NLRP9: variants seen among roughly 807,000 people sequenced by gnomAD.
NLRP9 encodes NLR family pyrin domain containing 9, also known as NACHT, LRR and PYD domains-containing protein 9.
Under a neutral mutation model 83.1 loss-of-function variants are expected in NLRP9, and 88 were observed. That is an observed-to-expected ratio of 1.06 (90% CI 0.89 to 1.26). The LOEUF (loss-of-function observed/expected upper bound fraction) is 1.26. NLRP9 is among the 50% of genes most tolerant of loss of function. The probability of loss-of-function intolerance (pLI) is 0.00; values close to 1 mark genes in which losing one functional copy is unlikely to be tolerated. For missense variants in NLRP9, 1,308 were observed against 1,179.3 expected, an observed-to-expected ratio of 1.11 and a Z score of -1.60; for synonymous variants, 521 against 447.6, an observed-to-expected ratio of 1.16 and a Z score of -2.07.
In NLRP9 at chr19:55,733,209, C is replaced by A; in HGVS notation, c.622G>T (p.Glu208Ter). ...ATGTCTTCGATCTTCTCTGAAGACT[C>A]CGGCCAGTCCCTAGAGAGGAGCTCC... ...LLELLSRDWP[E>*]SSEKIEDIFS... Residue 208 changes from glutamate (E) to a stop codon, truncating the protein, a stop_gained, in exon 2 of 9, where the codon GAG (glutamate) becomes TAG (stop). Transcript: ENST00000332836. LOFTEE classifies it high-confidence loss of function. The A allele has an allele frequency of 6.2e-7, 1 of 1,613,312 alleles. No homozygotes were observed. Among genetic ancestry groups the A allele is most frequent in the Non-Finnish European group, 8.5e-7 (1 of 1,179,444 alleles).
At chr19:55,734,288 T>G (rs1000739271) in intron 1 of NLRP9, among the ~76,000 whole-genome samples, 3 of 137,532 alleles carry the variant, frequency 2.2e-5, no homozygotes, top group African/African-American at 8.3e-5. Flanking sequence ...TGCTTGAACC[T>G]AGGAAGCGGA....
chr19:55,710,779 C>G (rs928490247), intron 8 of NLRP9, among the ~76,000 whole-genome samples: 1 of 152,162 alleles, frequency 6.6e-6, no homozygotes, highest in Non-Finnish European at 1.5e-5. Context: ...AATTAAACCT[C>G]TTTCCTTTAT....
intron 6 of NLRP9, 47 bp from the exon 7 acceptor site, chr19:55,712,637 C>A: frequency 6.7e-7 from 1 of 1,495,308 alleles, no homozygotes; most frequent in South Asian, 1.1e-5. Context: ...TGAGGTCAAT[C>A]ATAACAGCCC....
Position 55,738,253 on chromosome 19 carries a change from G to A in NLRP9, c.122C>T (p.Pro41Leu), listed in dbSNP as rs752475452. ...CTTCTTCAGCTCAGCCCAGGGGATT[G>A]GCTTGAGTTCAAATTTCTCCAAAGG... ...KQPLEKFELK[P>L]IPWAELKKAS... Residue 41 changes from proline to leucine, a missense_variant, in exon 1 of 9, where the codon CCA (proline) becomes CTA (leucine). By Grantham distance (98) the Pro-to-Leu change is moderately conservative. Coordinates refer to ENST00000332836, the MANE Select transcript of NLRP9 (RefSeq NM_176820.4). 11 of 1,613,998 alleles carry A rather than the reference G, an allele frequency of 6.8e-6. No homozygotes were observed. The highest frequency in any genetic ancestry group is 2.7e-5 in the African/African-American group (2 of 74,878).
At chr19:55,714,936 G>A (rs774968248) in intron 6 of NLRP9, 119 bp downstream of exon 6, 132 of 964,402 alleles carry the variant, frequency 1.4e-4, no homozygotes, top group Non-Finnish European at 1.9e-4. Context: ...CCCAACATAC[G>A]AATTTTGGGA....
intron 8 of NLRP9, chr19:55,711,590 G>A (rs1305144199): frequency 6.7e-6 from 6 of 901,484 alleles, no homozygotes; most frequent in Admixed American, 6.3e-5. Flanking sequence ...AAGTGCTACT[G>A]GCAACTCATG....
intron 1 of NLRP9, among the ~76,000 whole-genome samples, chr19:55,734,191 G>A (rs1988707766): frequency 1.3e-5 from 2 of 151,404 alleles, no homozygotes; most frequent in African/African-American, 4.9e-5. Flanking sequence ...CCAAAGTGCT[G>A]GGATTACAGG....
rs556533845 is a variant in NLRP9, at chr19:55,716,146, G to T, written c.2330+582C>A. 2.6e-5 allele frequency among the ~76,000 whole-genome samples: 4 copies of T among 151,922 alleles called. No individual in the cohort carries two copies. In the South Asian group the frequency reaches 8.3e-4, roughly 32 times the overall value. ...TAAATGTTCTCACATCCTCCAAAAT[G>T]ATAACTCTGTTAATTAGCTTGATTA... On this transcript the variant is annotated intron_variant, in intron 5 of 8. Transcript: ENST00000332836.
At chr19:55,724,870 C>A (rs1988352059) in intron 3 of NLRP9, among the ~76,000 whole-genome samples, 1 of 152,058 alleles carries the variant, frequency 6.6e-6, no homozygotes, top group Non-Finnish European at 1.5e-5. Context: ...CCAGCCTGGG[C>A]AACAAGGCGA....
chr19:55,711,470 A>G, intron 8 of NLRP9: 1 of 1,318,962 alleles, frequency 7.6e-7, no homozygotes. Flanking sequence ...ATTTATGGGC[A>G]ACGTAAGTAG....
intron 3 of NLRP9, among the ~76,000 whole-genome samples, chr19:55,729,087 T>A (rs2122323174): frequency 7.4e-6 from 1 of 135,968 alleles, no homozygotes; most frequent in South Asian, 2.4e-4. Flanking sequence ...AATTTAAGGC[T>A]ATTTTTCTGT....
At chr19:55,717,324 C>T (rs974842277) in intron 4 of NLRP9, among the ~76,000 whole-genome samples, 3 of 152,134 alleles carry the variant, frequency 2.0e-5, no homozygotes, top group East Asian at 3.8e-4. Flanking sequence ...TGAGCCACCG[C>T]GCCCGGCCAC....
chr19:55,737,905 G>A (rs1192828315), intron 1 of NLRP9, among the ~76,000 whole-genome samples, 190 bp downstream of exon 1: 2 of 152,000 alleles, frequency 1.3e-5, no homozygotes, highest in Non-Finnish European at 2.9e-5. Context: ...GTATCAGGAC[G>A]CCATCTGTCC....
chr19:55,735,939 C>T (rs772558342), intron 1 of NLRP9, among the ~76,000 whole-genome samples: 2 of 152,040 alleles, frequency 1.3e-5, no homozygotes, highest in Admixed American at 6.6e-5. Flanking sequence ...CCGCCCACCT[C>T]AGCCTCCCAA....
At chr19:55,735,549 T>C (rs1254683183) in intron 1 of NLRP9, among the ~76,000 whole-genome samples, 2 of 152,260 alleles carry the variant, frequency 1.3e-5, no homozygotes, top group African/African-American at 4.8e-5. Flanking sequence ...ACATTTTTCT[T>C]CTGCCCGATT....
Position 55,738,153 on chromosome 19 carries a change from G to A in NLRP9, c.222C>T (p.Asn74=). 2 of 1,614,066 alleles carry A rather than the reference G, an allele frequency of 1.2e-6. No homozygotes were observed. The highest frequency in any genetic ancestry group is 1.1e-5 in the South Asian group (1 of 91,070). Residue 74 remains asparagine, a synonymous_variant, in exon 1 of 9, where the codon AAC becomes AAT. Transcript: ENST00000332836. Reference sequence around the variant, plus strand: ...CTTTCCTATTGATCTGTAGAAACAGGTTCAGTGTTACCTCCCATGCCTGCT... The same window carrying A: ...CTTTCCTATTGATCTGTAGAAACAGATTCAGTGTTACCTCCCATGCCTGCT... ...PGKQAWEVTL[N]LFLQINRKDL...
At position 55,729,966 on chromosome 19, in the gene NLRP9, C is replaced by T. The variant is rs150982652; in HGVS notation, c.1859G>A (p.Arg620Gln). The change falls in exon 3 of 9, where the codon CGG becomes CAG. Residue 620 changes from arginine (R) to glutamine (Q), a missense_variant. Transcript: ENST00000332836. ...SDYNEKLVYW[R>Q]ELCSMFITNK... Reference sequence around the variant, plus strand: ...GGTAATGAACATTGAGCAAAGCTCCCGCCAGTAGACGAGCTTCTCATTGTA... The same window carrying T: ...GGTAATGAACATTGAGCAAAGCTCCTGCCAGTAGACGAGCTTCTCATTGTA... 40 of 1,613,120 alleles carry T rather than the reference C, an allele frequency of 2.5e-5. No individual in the cohort carries two copies. Among genetic ancestry groups the T allele is most frequent in the African/African-American group, 8.0e-5 (6 of 74,954 alleles).
intron 5 of NLRP9, 107 bp from the exon 6 acceptor site, chr19:55,715,332 A>T: frequency 1.0e-6 from 1 of 969,640 alleles, no homozygotes; most frequent in Non-Finnish European, 1.5e-6. Context: ...TAATATTACC[A>T]TATTTTCTTT....
chr19:55,712,076 G>A, intron 7 of NLRP9, 106 bp from the exon 8 acceptor site: 1 of 1,131,954 alleles, frequency 8.8e-7, no homozygotes, highest in Non-Finnish European at 1.3e-6. Context: ...ACGCTCTGCT[G>A]TCTAGACCCG....
Sources: allele counts gnomAD v4.1 joint callset (sites outside exome capture counted in the v4.1 genomes callset), GRCh38; gene constraint gnomAD v4.1.1; transcripts MANE v1.5; gene names NCBI Gene and HGNC (gene_info 2026-07-23, HGNC 2026-07-21).